NTAN1: variants seen among roughly 807,000 people sequenced by gnomAD.
NTAN1 encodes N-terminal asparagine amidase, also known as protein N-terminal asparagine amidohydrolase.
A neutral mutation model predicts 41.9 loss-of-function variants in NTAN1; 32 were observed. The observed-to-expected ratio is 0.76, with a 90% CI of 0.58 to 1.03. NTAN1 has a LOEUF of 1.03. NTAN1 is among the 50% of genes least tolerant of loss of function. The pLI is 0.00. For missense variants in NTAN1, 377 were observed against 377.5 expected (o/e 1.00, Z 0.01); for synonymous variants, 140 against 139.5 (o/e 1.00, Z -0.03).
At position 15,039,989 on chromosome 16, in the gene NTAN1, G is replaced by T; in HGVS notation, c.619C>A (p.Arg207=). The T allele has an allele frequency of 6.2e-7, 1 of 1,604,768 alleles. No homozygotes were observed. Among genetic ancestry groups the T allele is most frequent in the Non-Finnish European group, 8.5e-7 (1 of 1,172,654 alleles). The part of the protein sequence containing the change: ...RGPEEQLRAA[R]TLAGGPMISI... ...CTCACTGGTCCTCCTGCTAAAGTTC[G>T]CGCAGCACGAAGCTGCTCCTCCGGA... Residue 207 remains arginine, a synonymous_variant, in exon 8 of 10, where the codon CGA becomes AGA. Transcript: ENST00000287706.
At chr16:15,041,557 G>A in intron 6 of NTAN1, 66 bp downstream of exon 6, 9 of 1,131,212 alleles carry the variant, frequency 8.0e-6, no homozygotes, top group Non-Finnish European at 1.1e-5. Flanking sequence ...TGGGCCCACT[G>A]CAAGACTGGG....
intron 1 of NTAN1, among the ~76,000 whole-genome samples, chr16:15,048,988 G>A (rs1388470108): frequency 6.8e-6 from 1 of 146,700 alleles, no homozygotes; most frequent in Non-Finnish European, 1.5e-5. Flanking sequence ...CAAACTCCTG[G>A]GCTCAAGCAA....
intron 1 of NTAN1, among the ~76,000 whole-genome samples, chr16:15,048,678 T>C (rs535362967): frequency 2.0e-5 from 3 of 152,318 alleles, no homozygotes; most frequent in South Asian, 4.1e-4. Context: ...AGCTGGAGTA[T>C]AGTGGTACAA....
In NTAN1 at chr16:15,038,004, G is replaced by C. The variant is rs774470524; in HGVS notation, c.*27C>G. 1.9e-5 allele frequency: 30 copies of C among 1,578,966 alleles called. No individual in the cohort carries two copies. In the Admixed American group the frequency reaches 4.3e-4, roughly 23 times the overall value. ...CACCAATGGTCTGTCAGGCCAAGAA[G>C]GTGCTTTCTTTGGTAATTCATGTTT... On this transcript the variant is annotated 3_prime_UTR_variant, in exon 10 of 10. Coordinates refer to ENST00000287706, the MANE Select transcript of NTAN1 (RefSeq NM_173474.4).
Position 15,055,873 on chromosome 16 carries a change from G to A in NTAN1, c.81+18C>T, listed in dbSNP as rs2044492498. On this transcript the variant is annotated intron_variant, in intron 1 of 9. Transcript: ENST00000287706. ...CCCCTCGGGCCCGCCCCGAAGCCCC[G>A]CGCCGCGCCCCACTCACCTCCAAAG... 1.6e-6 allele frequency: 2 copies of A among 1,212,656 alleles called. No individual in the cohort carries two copies. The highest frequency in any genetic ancestry group is 4.2e-5 in the Admixed American group (1 of 23,594). The allele number at this position is 1,212,656 out of a possible 1,614,324, so 75.1% of individuals were successfully genotyped here. A position where few individuals can be genotyped will look rare whatever the true frequency, so the allele number is the denominator to read the frequency against.
chr16:15,051,971 TTTC>T (rs1233263854), intron 1 of NTAN1, among the ~76,000 whole-genome samples: 3 of 152,128 alleles, frequency 2.0e-5, no homozygotes, highest in African/African-American at 7.2e-5. Flanking sequence ...TAGTCCCAGT[TTTC>T]TTAACCTCTA....
chr16:15,041,676 C>T lies in NTAN1; in HGVS notation c.434G>A (p.Ser145Asn), dbSNP rs1252262593. The part of the protein sequence containing the change: ...LSQKLTHQLL[S>N]EFDRQEDDIH... ...GTCATCTTCTTGCCTGTCAAATTCA[C>T]CTATGATGAGAATTTTAAGACCAGA... Residue 145 changes from serine to asparagine, a missense_variant and splice_region_variant, in exon 6 of 10, where the codon AGT (serine) becomes AAT (asparagine). By Grantham distance (46) the Ser-to-Asn change is conservative (BLOSUM62 1). Transcript: ENST00000287706. The T allele has an allele frequency of 6.2e-6, 10 of 1,606,706 alleles. No individual in the cohort carries two copies. In the Admixed American group the frequency reaches 8.3e-5, roughly 13 times the overall value.
At chr16:15,053,472 CA>C (rs111527709) in intron 1 of NTAN1, among the ~76,000 whole-genome samples, 45,586 of 151,802 alleles carry the variant, frequency 0.3, 7,275 homozygotes, top group Admixed American at 0.45. Flanking sequence ...AGTAAGCTAT[CA>C]TTTTTTTAAA....
chr16:15,043,947 CAAAAAAAGAA>C (rs1157044771), intron 5 of NTAN1, among the ~76,000 whole-genome samples: 1 of 148,764 alleles, frequency 6.7e-6, no homozygotes, highest in South Asian at 2.1e-4. Flanking sequence ...GACTACATCT[CAAAAAAAGAA>C]AAAAAAAGAA....
chr16:15,043,919 ACTT>A (rs1181959312), intron 5 of NTAN1, among the ~76,000 whole-genome samples: 1 of 152,102 alleles, frequency 6.6e-6, no homozygotes, highest in Non-Finnish European at 1.5e-5. Flanking sequence ...CTGCACTCCA[ACTT>A]GGGCAACAGA....
In NTAN1 at chr16:15,038,063, A is replaced by G; in HGVS notation, c.901T>C (p.Leu301=). 1.2e-6 allele frequency: 2 copies of G among 1,612,664 alleles called. No individual in the cohort carries two copies. Among genetic ancestry groups the G allele is most frequent in the Non-Finnish European group, 1.7e-6 (2 of 1,179,622 alleles). The change falls in exon 10 of 10, where the codon TTG becomes CTG. Residue 301 remains leucine (L), a synonymous_variant. Transcript: ENST00000287706. ...CCTGGAGAAGAGATCTTTTCCCACA[A>G]GCCATCTTCATTTTTTTTGTAGAGT... The part of the protein sequence containing the change: ...ALLYKKNEDG[L]WEKISSPGS
At chr16:15,043,775 C>G (rs537044997) in intron 5 of NTAN1, among the ~76,000 whole-genome samples, 1 of 152,204 alleles carries the variant, frequency 6.6e-6, no homozygotes, top group African/African-American at 2.4e-5. Flanking sequence ...TGGTGAAACC[C>G]CATTTCTACC....
chr16:15,051,487 C>T (rs1466069734), intron 1 of NTAN1, among the ~76,000 whole-genome samples: 2 of 152,074 alleles, frequency 1.3e-5, no homozygotes, highest in African/African-American at 4.8e-5. Flanking sequence ...CTGGGAACTA[C>T]AGGCATGAGC....
chr16:15,051,479 G>A (rs943301140), intron 1 of NTAN1, among the ~76,000 whole-genome samples: 1 of 152,044 alleles, frequency 6.6e-6, no homozygotes, highest in Non-Finnish European at 1.5e-5. Flanking sequence ...CCAAGGAGCT[G>A]GGAACTACAG....
At chr16:15,042,303 A>G (rs934072866) in intron 5 of NTAN1, among the ~76,000 whole-genome samples, 1 of 150,698 alleles carries the variant, frequency 6.6e-6, no homozygotes, top group African/African-American at 2.5e-5. Context: ...TTCCTGCCTC[A>G]GCCTCCCAAG....
In NTAN1 at chr16:15,055,962, G is replaced by C. The variant is rs1378961436; in HGVS notation, c.10C>G (p.Leu4Val). The C allele has an allele frequency of 1.6e-6, 2 of 1,226,982 alleles. No individual in the cohort carries two copies. Among genetic ancestry groups the C allele is most frequent in the Non-Finnish European group, 2.0e-6 (2 of 984,424 alleles). The allele number at this position is 1,226,982 out of a possible 1,614,324, so 76.0% of individuals were successfully genotyped here. A position where few individuals can be genotyped will look rare whatever the true frequency, so the allele number is the denominator to read the frequency against. ...AGCCGCACTCGCCGCCCCTCGACGA[G>C]CAGCGGCATCGCGGAGGCGGCCGCC... MPL[L>V]VEGRRVRLPQ... Residue 4 changes from leucine (L) to valine (V), a missense_variant, in exon 1 of 10, where the codon CTC becomes GTC. By Grantham distance (32) the Leu-to-Val change is conservative (BLOSUM62 1). Coordinates refer to ENST00000287706, the MANE Select transcript of NTAN1 (RefSeq NM_173474.4).
At chr16:15,054,527 TAACAC>T (rs1391390604) in intron 1 of NTAN1, among the ~76,000 whole-genome samples, 2 of 152,204 alleles carry the variant, frequency 1.3e-5, no homozygotes, top group Non-Finnish European at 2.9e-5. Context: ...AACAGGACAG[TAACAC>T]AACGCAAGGA....
Position 15,038,672 on chromosome 16 carries a change from C to T in NTAN1, c.655G>A (p.Asp219Asn). ...ATACGAAGTTGTTCTGTCTCTGCAT[C>T]ATAAATGCTAATCATCTAAAAAAGA... ...LAGGPMISIYDAETEQLRIGP... is the reference protein window; with the variant it reads ...LAGGPMISIYNAETEQLRIGP... The change falls in exon 9 of 10, where the codon GAT (aspartate) becomes AAT (asparagine). Residue 219 changes from aspartate to asparagine, a missense_variant. Asp to Asn is a conservative substitution (Grantham distance 23, BLOSUM62 1). Coordinates refer to ENST00000287706, the MANE Select transcript of NTAN1 (RefSeq NM_173474.4). 1 of 1,574,062 alleles carries T rather than the reference C, an allele frequency of 6.4e-7. No homozygotes were observed. Among genetic ancestry groups the T allele is most frequent in the Non-Finnish European group, 8.7e-7 (1 of 1,147,688 alleles).
At chr16:15,051,795 G>A (rs549222475) in intron 1 of NTAN1, among the ~76,000 whole-genome samples, 23 of 150,412 alleles carry the variant, frequency 1.5e-4, no homozygotes, top group Non-Finnish European at 2.5e-4. Context: ...CAAACTCCTG[G>A]GCTCAAGCAA....
Sources: allele counts gnomAD v4.1 joint callset (sites outside exome capture counted in the v4.1 genomes callset), GRCh38; gene constraint gnomAD v4.1.1; transcripts MANE v1.5; gene names NCBI Gene and HGNC (gene_info 2026-07-23, HGNC 2026-07-21).